The following ANKRD28 variants were observed in gnomAD, a reference collection of about 807,000 sequenced individuals.
ANKRD28 encodes serine/threonine-protein phosphatase 6 regulatory ankyrin repeat subunit A.
ANKRD28 carries 44 observed loss-of-function variants against 126.5 expected under a neutral mutation model. The observed-to-expected ratio is 0.35, with a 90% CI of 0.27 to 0.45. The LOEUF is 0.45. Among genes scored for constraint, ANKRD28 ranks in the 20% least tolerant of loss-of-function variants. The pLI, the probability that ANKRD28 is intolerant of heterozygous loss-of-function variation, is 1.00. For synonymous variants in ANKRD28, 442 were observed against 468.5 expected, an observed-to-expected ratio of 0.94 and a Z score of 0.73; for missense variants, 1,110 against 1,316.6, an observed-to-expected ratio of 0.84 and a Z score of 2.43.
At chr3:15,676,934 A>G in intron 26 of ANKRD28, 40 bp downstream of exon 26, 1 of 1,510,132 alleles carries the variant, frequency 6.6e-7, no homozygotes, top group Non-Finnish European at 9.2e-7. Flanking sequence ...TTTTATAATT[A>G]TAGGTCACAA....
chr3:15,713,783 T>A (rs1244478006), intron 9 of ANKRD28, 142 bp from the exon 10 acceptor site: 7 of 480,772 alleles, frequency 1.5e-5, no homozygotes, highest in Non-Finnish European at 1.8e-5. Context: ...ATAGCTCATT[T>A]ATTGGGCCAG....
At chr3:15,686,916 C>A (rs1457123890) in intron 18 of ANKRD28, among the ~76,000 whole-genome samples, 1 of 151,496 alleles carries the variant, frequency 6.6e-6, no homozygotes, top group Non-Finnish European at 1.5e-5. Context: ...TAGAATCAAC[C>A]AACCCTGGAA....
chr3:15,741,990 C>A (rs1185989870), intron 4 of ANKRD28, among the ~76,000 whole-genome samples: 1 of 152,090 alleles, frequency 6.6e-6, no homozygotes, highest in Non-Finnish European at 1.5e-5. Context: ...CCGCCAGCCT[C>A]GGCCTCCCGA....
In ANKRD28 at chr3:15,812,373, TAA is replaced by T. The variant is rs2060735130; in HGVS notation, c.28-17069_28-17068del. Among the ~76,000 whole-genome samples, 1 of 152,152 alleles carries T rather than the reference TAA, an allele frequency of 6.6e-6. No homozygotes were observed. Among genetic ancestry groups the T allele is most frequent in the African/African-American group, 2.4e-5 (1 of 41,434 alleles). ...AGGTAAATTTAGAAAGGGTTTGCAGTAACCAATGGAAAAGCACCATCCAGTGG... is the reference window on the plus strand; with the variant it reads ...AGGTAAATTTAGAAAGGGTTTGCAGTCCAATGGAAAAGCACCATCCAGTGG... On this transcript the variant is annotated intron_variant, in intron 1 of 27. Transcript: ENST00000399451. This position sits in a 1 kb window ranked among gnomAD's most constrained non-coding sequence, Gnocchi z 4.1.
chr3:15,850,420 G>T (rs1257988209), intron 1 of ANKRD28, among the ~76,000 whole-genome samples: 1 of 151,914 alleles, frequency 6.6e-6, no homozygotes, highest in Non-Finnish European at 1.5e-5. Flanking sequence ...AAACAGAAAT[G>T]TATTCTCTCA....
intron 17 of ANKRD28, among the ~76,000 whole-genome samples, chr3:15,691,738 C>T (rs1479559818): frequency 6.6e-6 from 1 of 152,162 alleles, no homozygotes; most frequent in Non-Finnish European, 1.5e-5. Flanking sequence ...TTTAGGATTA[C>T]ATCTAACTTT....
chr3:15,783,595 T>A (rs1188361819), intron 2 of ANKRD28, among the ~76,000 whole-genome samples: 1 of 151,932 alleles, frequency 6.6e-6, no homozygotes, highest in East Asian at 1.9e-4. Context: ...TTGTAACAGA[T>A]GAAACAGAGA....
intron 6 of ANKRD28, among the ~76,000 whole-genome samples, chr3:15,734,957 A>C (rs977778898): frequency 6.6e-6 from 1 of 152,196 alleles, no homozygotes; most frequent in Non-Finnish European, 1.5e-5. Flanking sequence ...ACAGCAAAAA[A>C]GTCTGTATTC....
chr3:15,803,614 T>TAAAA (rs145887818), intron 1 of ANKRD28, among the ~76,000 whole-genome samples: 1 of 125,272 alleles, frequency 8.0e-6, no homozygotes, highest in Non-Finnish European at 1.7e-5. Flanking sequence ...AGACTCCATT[T>TAAAA]AAAAAAAAAA....
chr3:15,674,861 T>G (rs995439126), intron 27 of ANKRD28, among the ~76,000 whole-genome samples: 1 of 152,068 alleles, frequency 6.6e-6, no homozygotes, highest in Non-Finnish European at 1.5e-5. Context: ...TCAAGTAAAA[T>G]GAGAGCTAAG....
chr3:15,807,228 C>T (rs2060603444), intron 1 of ANKRD28, among the ~76,000 whole-genome samples: 1 of 152,176 alleles, frequency 6.6e-6, no homozygotes, highest in African/African-American at 2.4e-5. Flanking sequence ...CTCCTAGAAG[C>T]CCCACAAGCT....
At chr3:15,811,678 C>T (rs1435535205) in intron 1 of ANKRD28, among the ~76,000 whole-genome samples, 1 of 151,910 alleles carries the variant, frequency 6.6e-6, no homozygotes, top group Non-Finnish European at 1.5e-5. Flanking sequence ...TGGTCTTGAT[C>T]TCTTGACCTC....
chr3:15,766,691 C>A (rs571226438), intron 2 of ANKRD28, among the ~76,000 whole-genome samples: 2 of 151,722 alleles, frequency 1.3e-5, no homozygotes, highest in East Asian at 1.9e-4. Flanking sequence ...CAAAAAAAAA[C>A]AACAAAACAA....
At chr3:15,755,946 C>T (rs903588715) in intron 3 of ANKRD28, among the ~76,000 whole-genome samples, 1 of 152,238 alleles carries the variant, frequency 6.6e-6, no homozygotes, top group East Asian at 1.9e-4. Flanking sequence ...AGACAACACA[C>T]ATAGCAATTT....
At chr3:15,763,558 C>T (rs1042689272) in intron 3 of ANKRD28, among the ~76,000 whole-genome samples, 5 of 152,120 alleles carry the variant, frequency 3.3e-5, no homozygotes, top group South Asian at 2.1e-4. Context: ...ATAACACAGG[C>T]GAGGGGGATT....
chr3:15,677,030 T>A lies in ANKRD28; in HGVS notation c.2817A>T (p.Ile939=), dbSNP rs374417222. ...GGTTTCTATCTGTTATCTTTTCCAG[T>A]ATTAACAAGGCACTAGTTTCATGAC... ...SKGHETSALL[I]LEKITDRNLI... Residue 939 remains isoleucine, a synonymous_variant, in exon 26 of 28, where the codon ATA becomes ATT. Transcript: ENST00000683139. 2.8e-5 allele frequency: 45 copies of A among 1,613,300 alleles called. No homozygotes were observed. The highest frequency in any genetic ancestry group is 3.7e-5 in the Non-Finnish European group (44 of 1,179,586).
intron 4 of ANKRD28, among the ~76,000 whole-genome samples, chr3:15,747,735 C>T (rs2654654): frequency 0.47 from 70,960 of 151,922 alleles, 19,454 homozygotes; most frequent in Non-Finnish European, 0.6. Flanking sequence ...TAGTTTAGGT[C>T]CATTGTTTCT....
intron 6 of ANKRD28, among the ~76,000 whole-genome samples, chr3:15,728,706 C>G (rs1440241169): frequency 3.9e-5 from 6 of 152,242 alleles, no homozygotes; most frequent in Admixed American, 3.9e-4. Flanking sequence ...TCTCTGATCT[C>G]TGCCTTACTG....
At chr3:15,795,611 C>T (rs989417755) in intron 1 of ANKRD28, among the ~76,000 whole-genome samples, 2 of 152,100 alleles carry the variant, frequency 1.3e-5, no homozygotes, top group African/African-American at 4.8e-5. Context: ...AAGAAAGACT[C>T]TTCCAAATAC....
Sources: gnomAD v4.1 joint callset for allele counts (sites outside exome capture counted in the v4.1 genomes callset) on GRCh38, gnomAD v4.1.1 for gene constraint, Gnocchi (gnomAD v3.1) non-coding constraint, MANE v1.5 for transcripts, NCBI Gene and HGNC (gene_info 2026-07-23, HGNC 2026-07-21) for gene names.